RBM25: variants seen among roughly 807,000 people sequenced by gnomAD.
RBM25 encodes RNA binding motif protein 25, also known as RNA-binding protein 25.
Under a neutral mutation model 120.7 loss-of-function variants are expected in RBM25, and 19 were observed. The observed-to-expected ratio is 0.16, with a 90% confidence interval of 0.11 to 0.23. The LOEUF is 0.23. Among genes scored for constraint, RBM25 ranks in the 10% least tolerant of loss-of-function variants. The probability of loss-of-function intolerance (pLI) is 1.00; values close to 1 mark genes in which losing one functional copy is unlikely to be tolerated. For synonymous variants in RBM25, 390 were observed against 326.7 expected (o/e 1.19, Z -2.09); for missense variants, 605 against 1,041.5 (o/e 0.58, Z 5.77).
In RBM25 at chr14:73,109,499, T is replaced by C; in HGVS notation, c.1692+7T>C. 6.2e-7 allele frequency: 1 copy of C among 1,611,840 alleles called. No homozygotes were observed. Among genetic ancestry groups the C allele is most frequent in the South Asian group, 1.1e-5 (1 of 90,838 alleles). On this transcript the variant is annotated splice_region_variant and intron_variant, in intron 14 of 18. Coordinates refer to ENST00000261973, the MANE Select transcript of RBM25 (RefSeq NM_021239.3). ...AGATGCAGAGCTCCAGAGGGTAAGA[T>C]ACTGTACCATCTGGTCGGGCGCGGT...
In RBM25 at chr14:73,117,210, C is replaced by CTTTTTT. The variant is rs71112704; in HGVS notation, c.2440-2474_2440-2469dup. ...TTTCTTTTAATTTCTTTCTTCTTTT[C>CTTTTTT]TTTTTTTTTTTTTTTTTTTTTTTTT... On this transcript the variant is annotated intron_variant, in intron 18 of 18. Coordinates refer to ENST00000261973, the MANE Select transcript of RBM25 (RefSeq NM_021239.3). Among the ~76,000 whole-genome samples the CTTTTTT allele has an allele frequency of 3.2e-3, 156 of 49,412 alleles. 13 individuals are homozygous for CTTTTTT. Among genetic ancestry groups the CTTTTTT allele is most frequent in the Non-Finnish European group, 3.7e-3 (100 of 27,338 alleles). 32.4% of individuals were successfully genotyped at this position (49,412 alleles called of 152,430 possible). A position where few individuals can be genotyped will look rare whatever the true frequency, so the allele number is the denominator to read the frequency against.
At chr14:73,064,274 A>G (rs1304577348) in intron 1 of RBM25, among the ~76,000 whole-genome samples, 1 of 151,618 alleles carries the variant, frequency 6.6e-6, no homozygotes, top group Admixed American at 6.6e-5. Context: ...TCAGTTTCAC[A>G]TGGCAAAACA....
chr14:73,108,326 A>G (rs1423716816), intron 13 of RBM25, among the ~76,000 whole-genome samples: 2 of 152,220 alleles, frequency 1.3e-5, no homozygotes, highest in Non-Finnish European at 2.9e-5. Flanking sequence ...GTTGGACTAT[A>G]GGTGTGGGCT....
intron 7 of RBM25, among the ~76,000 whole-genome samples, chr14:73,098,777 G>A (rs1420853099): frequency 2.0e-5 from 3 of 152,250 alleles, no homozygotes; most frequent in African/African-American, 7.2e-5. Context: ...CTGAGTAGCT[G>A]GGACTACACG....
At position 73,123,086 on chromosome 14, in the gene RBM25, G is replaced by A. The variant is rs952290512; in HGVS notation, c.*3281G>A. On this transcript the variant is annotated 3_prime_UTR_variant, in exon 19 of 19. Coordinates refer to ENST00000261973, the MANE Select transcript of RBM25 (RefSeq NM_021239.3). ...AAATTTTTTCTGTAGATAACTTTAT[G>A]TTGTAACTTATTCTGAATCTTATTA... 6.6e-6 allele frequency: 1 copy of A among 151,762 alleles called. No individual in the cohort carries two copies. Among genetic ancestry groups the A allele is most frequent in the Non-Finnish European group, 1.5e-5 (1 of 67,964 alleles). 9.4% of individuals were successfully genotyped at this position (151,762 alleles called of 1,614,324 possible). A position where few individuals can be genotyped will look rare whatever the true frequency, so the allele number is the denominator to read the frequency against.
At chr14:73,111,491 A>G (rs371884885) in intron 15 of RBM25, 37 bp from the exon 16 acceptor site, 1 of 1,538,478 alleles carries the variant, frequency 6.5e-7, no homozygotes. Flanking sequence ...ACATTTGGAA[A>G]TTAAGTCATC....
intron 4 of RBM25, 107 bp from the exon 5 acceptor site, chr14:73,083,382 GTTTTT>G (rs1377110839): frequency 3.5e-6 from 3 of 849,550 alleles, no homozygotes; most frequent in Admixed American, 3.9e-5. Context: ...GTAGTTGCTG[GTTTTT>G]TATTTTATGT....
intron 12 of RBM25, among the ~76,000 whole-genome samples, chr14:73,107,141 A>G (rs1054635395): frequency 6.6e-6 from 1 of 152,182 alleles, no homozygotes; most frequent in Non-Finnish European, 1.5e-5. Context: ...ACGCCCAGCC[A>G]TATTTTTTCG....
intron 6 of RBM25, 146 bp downstream of exon 6, chr14:73,088,307 T>C (rs904621928): frequency 1.9e-6 from 2 of 1,080,278 alleles, no homozygotes; most frequent in Middle Eastern, 2.0e-4. Flanking sequence ...TTTTATAGTT[T>C]GTAGTTATTT....
intron 4 of RBM25, among the ~76,000 whole-genome samples, chr14:73,078,022 G>A (rs533888641): frequency 6.6e-6 from 1 of 152,214 alleles, no homozygotes; most frequent in South Asian, 2.1e-4. Context: ...AAATAATAGG[G>A]CCAGATGCAG....
intron 16 of RBM25, 129 bp downstream of exon 16, chr14:73,111,931 A>G: frequency 3.2e-6 from 4 of 1,250,330 alleles, no homozygotes; most frequent in South Asian, 1.5e-5. Context: ...TCATCTTGAC[A>G]CCAACTCAAT....
At chr14:73,071,384 A>G (rs566760261) in intron 1 of RBM25, among the ~76,000 whole-genome samples, 1 of 151,738 alleles carries the variant, frequency 6.6e-6, no homozygotes, top group African/African-American at 2.4e-5. Flanking sequence ...TTCTTCCTTT[A>G]TATGTATTCC....
At chr14:73,101,526 A>G (rs1254608086) in intron 9 of RBM25, 1 of 150,910 alleles carries the variant, frequency 6.6e-6, no homozygotes, top group Admixed American at 6.6e-5. Flanking sequence ...ATATATATAT[A>G]TATATATCTC....
chr14:73,106,470 A>T (rs541599864), intron 12 of RBM25, among the ~76,000 whole-genome samples, 185 bp downstream of exon 12: 1 of 152,134 alleles, frequency 6.6e-6, no homozygotes, highest in African/African-American at 2.4e-5. Context: ...TTCCTCTTCA[A>T]ATTTTTGCTG....
chr14:73,077,778 A>G (rs1049462248), intron 4 of RBM25, among the ~76,000 whole-genome samples: 1 of 152,198 alleles, frequency 6.6e-6, no homozygotes, highest in Non-Finnish European at 1.5e-5. Flanking sequence ...TTTGAAAGTA[A>G]ATTGTGGCAT....
At chr14:73,063,107 C>T (rs1207898984) in intron 1 of RBM25, among the ~76,000 whole-genome samples, 1 of 151,164 alleles carries the variant, frequency 6.6e-6, no homozygotes, top group Non-Finnish European at 1.5e-5. Flanking sequence ...CAGGTATGAG[C>T]CACTGCACCT....
At position 73,106,177 on chromosome 14, in the gene RBM25, GA is replaced by G. The variant is rs771867673; in HGVS notation, c.1378-15del. On this transcript the variant is annotated intron_variant, in intron 11 of 18. Coordinates refer to ENST00000261973, the MANE Select transcript of RBM25 (RefSeq NM_021239.3). ...GCTATGTATAAATTTTTAAAGCTTT[GA>G]AAATTTAATTTTTTTAGCGCCTTAA... The G allele has an allele frequency of 5.1e-6, 8 of 1,575,524 alleles. No homozygotes were observed. The highest frequency in any genetic ancestry group is 6.9e-6 in the Non-Finnish European group (8 of 1,166,914).
chr14:73,102,686 AG>A lies in RBM25; in HGVS notation c.868-503del, dbSNP rs571613965. 4.8e-3 allele frequency: 734 copies of A among 153,012 alleles called. 3 individuals are homozygous for A. Among genetic ancestry groups the A allele is most frequent in the Non-Finnish European group, 7.4e-3 (508 of 68,504 alleles). 9.5% of individuals were successfully genotyped at this position (153,012 alleles called of 1,614,324 possible). A position where few individuals can be genotyped will look rare whatever the true frequency, so the allele number is the denominator to read the frequency against. On this transcript the variant is annotated intron_variant, in intron 9 of 18. Transcript: ENST00000261973. ...TGAATTCAGCTTGTGTTTCTTTTGG[AG>A]GGTGGGCAAATCAGAGGGCAGAGAT...
chr14:73,068,543 C>T, intron 1 of RBM25: 1 of 719,636 alleles, frequency 1.4e-6, no homozygotes, highest in Non-Finnish European at 2.4e-6. Flanking sequence ...CATTAGATGA[C>T]CAATTCTTTG....
Sources: allele counts gnomAD v4.1 joint callset (sites outside exome capture counted in the v4.1 genomes callset), GRCh38; gene constraint gnomAD v4.1.1; transcripts MANE v1.5; gene names NCBI Gene and HGNC (gene_info 2026-07-23, HGNC 2026-07-21).